LRIF1: variants seen among roughly 807,000 people sequenced by gnomAD.
The protein encoded by LRIF1 is ligand-dependent nuclear receptor-interacting factor 1.
Under a neutral mutation model 52.7 loss-of-function variants are expected in LRIF1, and 32 were observed. That is an observed-to-expected ratio of 0.61 (90% CI 0.46 to 0.82). The LOEUF is 0.82. Ranked by LOEUF, LRIF1 falls within the 40% of genes least tolerant of loss-of-function variation. The pLI, the probability that LRIF1 is intolerant of heterozygous loss-of-function variation, is 0.00. For synonymous variants in LRIF1, 323 were observed against 317.4 expected (o/e 1.02, Z -0.19); for missense variants, 887 against 892.0 (o/e 0.99, Z 0.07).
At chr1:110,897,709 T>C in the LRIF1 span, 3 of 681,740 alleles carry the variant, frequency 4.4e-6, no homozygotes. Context: ...CCTCTTTGTA[T>C]TACATAAAGC....
the LRIF1 span, chr1:110,899,293 C>T: frequency 1.2e-6 from 1 of 830,346 alleles, no homozygotes; most frequent in Non-Finnish European, 2.0e-6. Context: ...GGATGATCCT[C>T]CTCCCATCCT....
chr1:110,892,980 T>C, the LRIF1 span: 437 of 176,838 alleles, frequency 2.5e-3, 2 homozygotes, highest in African/African-American at 0.01. Flanking sequence ...CCTTAACTCA[T>C]GTCTGCACAA....
chr1:110,890,923 G>A, the LRIF1 span, among the ~76,000 whole-genome samples: 2 of 152,256 alleles, frequency 1.3e-5, no homozygotes, highest in African/African-American at 4.8e-5. Flanking sequence ...TTCATGTGGA[G>A]AAGTTTACTG....
intron 1 of LRIF1, among the ~76,000 whole-genome samples, chr1:110,959,644 G>C (rs1156263543): frequency 1.3e-5 from 2 of 151,410 alleles, no homozygotes; most frequent in African/African-American, 4.9e-5. Flanking sequence ...CAGCTACTTG[G>C]GAGGCTGAGG....
At chr1:110,894,241 A>C in the LRIF1 span, 1 of 1,177,300 alleles carries the variant, frequency 8.5e-7, no homozygotes, top group Non-Finnish European at 1.3e-6. Context: ...GTACTCGTGC[A>C]AATGCCCCTG....
chr1:110,897,608 T>C, the LRIF1 span: 9 of 474,058 alleles, frequency 1.9e-5, no homozygotes, highest in African/African-American at 1.8e-4. Flanking sequence ...ACTGTAATGA[T>C]AACACCACCA....
At chr1:110,950,698 T>C (rs961880262) in intron 2 of LRIF1, among the ~76,000 whole-genome samples, 2 of 151,288 alleles carry the variant, frequency 1.3e-5, no homozygotes, top group East Asian at 3.9e-4. Flanking sequence ...CACAAAGAGC[T>C]AATAAAAAGG....
At chr1:110,929,557 T>G in the LRIF1 span, among the ~76,000 whole-genome samples, 2 of 152,240 alleles carry the variant, frequency 1.3e-5, no homozygotes, top group Admixed American at 1.3e-4. Context: ...CCCGCATGTA[T>G]GTCTTCTTTT....
At chr1:110,961,020 T>C (rs1658927231) in intron 1 of LRIF1, among the ~76,000 whole-genome samples, 1 of 152,216 alleles carries the variant, frequency 6.6e-6, no homozygotes, top group African/African-American at 2.4e-5. Context: ...ATCCTACTTG[T>C]ACAGAATCAA....
chr1:110,903,476 T>A, the LRIF1 span, among the ~76,000 whole-genome samples: 1 of 152,222 alleles, frequency 6.6e-6, no homozygotes, highest in Admixed American at 6.5e-5. Context: ...GTAAGGTCCC[T>A]GTTTCAGGCC....
At chr1:110,938,377 AT>A in the LRIF1 span, 1 of 152,254 alleles carries the variant, frequency 6.6e-6, no homozygotes, top group African/African-American at 2.4e-5. Flanking sequence ...AGTGGGATTT[AT>A]CCCTGGGATG....
At position 110,947,828 on chromosome 1, in the gene LRIF1, T is replaced by A; in HGVS notation, c.*131A>T. The stretch of plus-strand genomic sequence containing the variant: ...TCAACCTTTTCTGTATTCCTTAAAG[T>A]TGTACAATCGACTGATGAAAAAACA... On this transcript the variant is annotated 3_prime_UTR_variant, in exon 4 of 4. Coordinates refer to ENST00000369763, the MANE Select transcript of LRIF1 (RefSeq NM_018372.4). The A allele has an allele frequency of 1.6e-6, 2 of 1,261,160 alleles. No individual in the cohort carries two copies. Among genetic ancestry groups the A allele is most frequent in the Non-Finnish European group, 2.1e-6 (2 of 940,564 alleles). 78.1% of individuals were successfully genotyped at this position (1,261,160 alleles called of 1,614,324 possible).
chr1:110,911,993 A>C, the LRIF1 span, among the ~76,000 whole-genome samples: 3 of 152,216 alleles, frequency 2.0e-5, no homozygotes, highest in African/African-American at 4.8e-5. Context: ...TAGTACTGGA[A>C]TTCCATCCAG....
At chr1:110,912,663 C>G in the LRIF1 span, among the ~76,000 whole-genome samples, 1 of 152,138 alleles carries the variant, frequency 6.6e-6, no homozygotes, top group Non-Finnish European at 1.5e-5. Flanking sequence ...CAAAACACTG[C>G]TGAAAGAAAT....
the LRIF1 span, among the ~76,000 whole-genome samples, chr1:110,923,381 A>C: frequency 6.6e-6 from 1 of 152,180 alleles, no homozygotes; most frequent in Non-Finnish European, 1.5e-5. Context: ...CATAGGTTCC[A>C]GGTATTTGGA....
chr1:110,889,243 T>C, the LRIF1 span, among the ~76,000 whole-genome samples: 1 of 152,130 alleles, frequency 6.6e-6, no homozygotes, highest in Admixed American at 6.6e-5. Flanking sequence ...TCACTCCTGA[T>C]AAACAGAGTA....
chr1:110,923,688 T>C, the LRIF1 span, among the ~76,000 whole-genome samples: 3 of 152,182 alleles, frequency 2.0e-5, no homozygotes, highest in African/African-American at 7.2e-5. Flanking sequence ...CATTGAGAGA[T>C]AGTGGCCAAA....
chr1:110,889,723 G>C, the LRIF1 span, among the ~76,000 whole-genome samples: 1 of 152,088 alleles, frequency 6.6e-6, no homozygotes, highest in Non-Finnish European at 1.5e-5. Context: ...GGAAGAAATT[G>C]TGACTGGAAC....
the LRIF1 span, chr1:110,938,762 T>A: frequency 6.6e-6 from 1 of 152,086 alleles, no homozygotes; most frequent in South Asian, 2.1e-4. Flanking sequence ...CAGGAAGAGG[T>A]CAAATTATTT....
Sources: allele counts gnomAD v4.1 joint callset (sites outside exome capture counted in the v4.1 genomes callset), GRCh38; gene constraint gnomAD v4.1.1; transcripts MANE v1.5; gene names NCBI Gene and HGNC (gene_info 2026-07-23, HGNC 2026-07-21).